The following SGMS1 variants were observed in gnomAD, a reference collection of about 807,000 sequenced individuals.
SGMS1 encodes sphingomyelin synthase 1, also known as phosphatidylcholine:ceramide cholinephosphotransferase 1.
A neutral mutation model predicts 46.2 loss-of-function variants in SGMS1; 13 were observed. That is an observed-to-expected ratio of 0.28 (90% CI 0.18 to 0.45). The LOEUF (loss-of-function observed/expected upper bound fraction) is 0.45. SGMS1 is among the 20% of genes least tolerant of loss of function. SGMS1 has a pLI of 1.00. For missense variants in SGMS1, 324 were observed against 519.9 expected, an observed-to-expected ratio of 0.62 and a Z score of 3.66; for synonymous variants, 203 against 187.8, an observed-to-expected ratio of 1.08 and a Z score of -0.66.
chr10:50,616,707 C>A (rs1838801313), intron 1 of SGMS1, among the ~76,000 whole-genome samples: 1 of 152,112 alleles, frequency 6.6e-6, no homozygotes, highest in Admixed American at 6.6e-5. Flanking sequence ...TATTAGCCTC[C>A]CTCTAATGTG....
chr10:50,354,236 A>T (rs1221542967), intron 6 of SGMS1, among the ~76,000 whole-genome samples: 3 of 152,160 alleles, frequency 2.0e-5, no homozygotes, highest in Non-Finnish European at 4.4e-5. Context: ...CTGGTACCAA[A>T]ACAGAGATAT....
At chr10:50,468,340 C>T (rs1564922286) in intron 3 of SGMS1, among the ~76,000 whole-genome samples, 2 of 152,094 alleles carry the variant, frequency 1.3e-5, no homozygotes, top group Admixed American at 1.3e-4. Context: ...TAATTAGATA[C>T]AGAATATGCT....
intron 2 of SGMS1, among the ~76,000 whole-genome samples, chr10:50,542,887 A>G (rs887893779): frequency 3.3e-5 from 5 of 150,564 alleles, no homozygotes; most frequent in Admixed American, 6.6e-5. Context: ...AGAAAAAGGA[A>G]GTCTTCTCAG....
At chr10:50,608,224 T>C (rs1403398936) in intron 1 of SGMS1, among the ~76,000 whole-genome samples, 1 of 152,216 alleles carries the variant, frequency 6.6e-6, no homozygotes, top group Non-Finnish European at 1.5e-5. Context: ...CTAATATTTA[T>C]AGAAAATAGA....
chr10:50,614,728 A>C (rs1838781094), intron 1 of SGMS1, among the ~76,000 whole-genome samples: 1 of 152,232 alleles, frequency 6.6e-6, no homozygotes, highest in South Asian at 2.1e-4. Flanking sequence ...TGCTGGGCTA[A>C]CCTGTGTATT....
chr10:50,467,593 A>G (rs978176311), intron 3 of SGMS1, among the ~76,000 whole-genome samples: 16 of 152,198 alleles, frequency 1.1e-4, no homozygotes, highest in African/African-American at 3.1e-4. Context: ...AAAATTAGTA[A>G]GCCCAGAAAT....
intron 3 of SGMS1, among the ~76,000 whole-genome samples, chr10:50,516,688 GA>G (rs1224411829): frequency 6.6e-6 from 1 of 152,252 alleles, no homozygotes; most frequent in South Asian, 2.1e-4. Context: ...TGAAATAAAG[GA>G]AAGTAATAAA....
chr10:50,623,134 C>T (rs917431170), intron 1 of SGMS1, among the ~76,000 whole-genome samples: 3 of 151,906 alleles, frequency 2.0e-5, no homozygotes, highest in Non-Finnish European at 2.9e-5. Flanking sequence ...GAGGGGGGGT[C>T]CCACCTGTTT....
intron 5 of SGMS1, among the ~76,000 whole-genome samples, chr10:50,435,014 G>T (rs1172310461): frequency 6.6e-6 from 1 of 152,082 alleles, no homozygotes; most frequent in South Asian, 2.1e-4. Context: ...AGGAGTCAAA[G>T]ATCTAAAAAT....
chr10:50,516,949 A>C (rs1314632249), intron 3 of SGMS1, among the ~76,000 whole-genome samples: 2 of 152,180 alleles, frequency 1.3e-5, no homozygotes, highest in Non-Finnish European at 2.9e-5. Context: ...CAAAAAAGAA[A>C]GTTGGAGTTG....
In SGMS1 at chr10:50,309,349, C is replaced by T. The variant is rs139235463; in HGVS notation, c.896-1201G>A. On this transcript the variant is annotated intron_variant, in intron 9 of 10. Transcript: ENST00000361781. ...TAATGTTCATAAACTTTTTCCCACC[C>T]GATGAAGCAGATGTGAATATCTCAT... 6.6e-5 allele frequency among the ~76,000 whole-genome samples: 10 copies of T among 152,200 alleles called. No individual in the cohort carries two copies. The East Asian group carries it at 9.6e-4, about 15-fold the overall frequency.
At chr10:50,454,050 C>A (rs866494060) in intron 5 of SGMS1, among the ~76,000 whole-genome samples, 304 of 97,840 alleles carry the variant, frequency 3.1e-3, no homozygotes, top group Middle Eastern at 7.8e-3. Flanking sequence ...TTTACATAGG[C>A]AAAAAAAAAA....
chr10:50,486,186 C>T (rs1339552464), intron 3 of SGMS1, among the ~76,000 whole-genome samples: 1 of 152,116 alleles, frequency 6.6e-6, no homozygotes, highest in Non-Finnish European at 1.5e-5. Context: ...GGATTAAAGA[C>T]ATAAATGTAA....
intron 6 of SGMS1, among the ~76,000 whole-genome samples, chr10:50,365,910 T>A (rs2133428870): frequency 6.6e-6 from 1 of 152,236 alleles, no homozygotes; most frequent in East Asian, 1.9e-4. Context: ...TGTGTCTTTA[T>A]ACTAGAATGA....
chr10:50,352,605 G>A (rs915777725), intron 6 of SGMS1, among the ~76,000 whole-genome samples: 1 of 152,194 alleles, frequency 6.6e-6, no homozygotes, highest in Non-Finnish European at 1.5e-5. Context: ...AATGCAGTGA[G>A]ATTGTGATTG....
At position 50,430,470 on chromosome 10, in the gene SGMS1, C is replaced by CA. The variant is rs10625082; in HGVS notation, c.-232+3005dup. On this transcript the variant is annotated intron_variant, in intron 6 of 10. Transcript: ENST00000361781. ...CGGCATAGAAAAGTATGGCAGAATA[C>CA]AAAAAAAAAAAAAAGCAATGTTAAT... Among the ~76,000 whole-genome samples, 855 of 136,260 alleles carry CA rather than the reference C, an allele frequency of 6.3e-3. 23 individuals are homozygous for CA. The highest frequency in any genetic ancestry group is 0.012 in the African/African-American group (455 of 36,766). The allele number at this position is 136,260 out of a possible 152,430, so 89.4% of individuals were successfully genotyped here. A position where few individuals can be genotyped will look rare whatever the true frequency, so the allele number is the denominator to read the frequency against.
intron 1 of SGMS1, among the ~76,000 whole-genome samples, chr10:50,601,675 C>T (rs957368088): frequency 6.6e-6 from 1 of 152,166 alleles, no homozygotes. Context: ...CTATTGTGCT[C>T]CATTAAGTAA....
rs530082894 is a variant in SGMS1, at chr10:50,367,194, T to C, written c.-231-22849A>G. 4.6e-5 allele frequency among the ~76,000 whole-genome samples: 7 copies of C among 152,280 alleles called. 1 individual carries two copies. The South Asian group carries it at 1.5e-3, about 32-fold the overall frequency. ...TTTTCCATTTCACTGAGAAAAAGTC[T>C]ACCAAAGTATGCTTATAAAAATAAA... is the stretch of plus-strand genomic sequence containing the variant. On this transcript the variant is annotated intron_variant, in intron 6 of 10. Transcript: ENST00000361781.
At chr10:50,357,712 A>G (rs1184047760) in intron 6 of SGMS1, among the ~76,000 whole-genome samples, 2 of 152,342 alleles carry the variant, frequency 1.3e-5, no homozygotes, top group East Asian at 3.9e-4. Context: ...AGAAATTATT[A>G]TACTGAATAT....
Sources: allele counts gnomAD v4.1 joint callset (sites outside exome capture counted in the v4.1 genomes callset), GRCh38; gene constraint gnomAD v4.1.1; transcripts MANE v1.5; gene names NCBI Gene and HGNC (gene_info 2026-07-23, HGNC 2026-07-21).